Variants in NXPE2 observed in about 807,000 individuals in gnomAD.
NXPE2 encodes neurexophilin and PC-esterase domain family member 2, also known as NXPE family member 2.
NXPE2 carries 34 observed loss-of-function variants against 34.4 expected under a neutral mutation model. The observed-to-expected ratio is 0.99, with a 90% CI of 0.75 to 1.31. NXPE2 has a LOEUF of 1.31. Among genes scored for constraint, NXPE2 ranks in the 40% most tolerant of loss-of-function variants. The pLI is 0.00. For synonymous variants in NXPE2, 235 were observed against 231.3 expected (o/e 1.02, Z -0.15); for missense variants, 649 against 672.5 (o/e 0.97, Z 0.39).
chr11:114,718,975 G>A, the NXPE2 span, among the ~76,000 whole-genome samples: 106 of 152,256 alleles, frequency 7.0e-4, 1 homozygote, highest in Non-Finnish European at 1.0e-3. Flanking sequence ...ACTTAAGTCT[G>A]TACTCCTCCT....
At chr11:114,484,356 G>A in the NXPE2 span, among the ~76,000 whole-genome samples, 1 of 140,592 alleles carries the variant, frequency 7.1e-6, no homozygotes, top group Non-Finnish European at 1.6e-5. Context: ...TTTGGGATGT[G>A]GGGGGGTAGA....
the NXPE2 span, among the ~76,000 whole-genome samples, chr11:114,671,237 G>T: frequency 6.6e-6 from 1 of 151,446 alleles, no homozygotes; most frequent in East Asian, 1.9e-4. Flanking sequence ...TAGAGATTAT[G>T]CAGTCTAGAG....
At chr11:114,511,397 G>A in the NXPE2 span, among the ~76,000 whole-genome samples, 1 of 152,170 alleles carries the variant, frequency 6.6e-6, no homozygotes, top group African/African-American at 2.4e-5. Context: ...GAGGCCATAA[G>A]CATGAGAAAG....
At chr11:114,740,833 T>C in the NXPE2 span, among the ~76,000 whole-genome samples, 1 of 152,314 alleles carries the variant, frequency 6.6e-6, no homozygotes, top group Non-Finnish European at 1.5e-5. Flanking sequence ...ATTTGCTTGA[T>C]GTATTTAGCC....
chr11:114,625,279 C>A, the NXPE2 span, among the ~76,000 whole-genome samples: 1 of 152,200 alleles, frequency 6.6e-6, no homozygotes, highest in East Asian at 1.9e-4. Flanking sequence ...ATACGAGTTG[C>A]CTCATGCGTA....
chr11:114,794,991 T>A, the NXPE2 span, among the ~76,000 whole-genome samples: 1 of 152,086 alleles, frequency 6.6e-6, no homozygotes, highest in Non-Finnish European at 1.5e-5. Flanking sequence ...CCTGTCAGAG[T>A]AAACAACAAG....
chr11:114,797,405 C>T, the NXPE2 span, among the ~76,000 whole-genome samples: 8 of 152,160 alleles, frequency 5.3e-5, no homozygotes, highest in African/African-American at 1.9e-4. Context: ...TCCTTCTGGG[C>T]CCACAGCCCA....
At chr11:114,724,179 T>C in the NXPE2 span, among the ~76,000 whole-genome samples, 1 of 152,152 alleles carries the variant, frequency 6.6e-6, no homozygotes. Flanking sequence ...AGTAAATTTC[T>C]CAGGGTCACC....
intron 2 of NXPE2, among the ~76,000 whole-genome samples, chr11:114,687,966 G>C (rs1951079131): frequency 6.6e-6 from 1 of 152,028 alleles, no homozygotes; most frequent in Admixed American, 6.6e-5. Flanking sequence ...CTAAAGACCT[G>C]TTTATCAGGT....
chr11:114,633,150 A>C, the NXPE2 span, among the ~76,000 whole-genome samples: 2,148 of 123,978 alleles, frequency 0.017, 74 homozygotes, highest in African/African-American at 0.065. Context: ...TATTTTATAT[A>C]TTTGGTATTT....
the NXPE2 span, among the ~76,000 whole-genome samples, chr11:114,488,467 T>A: frequency 6.6e-6 from 1 of 152,162 alleles, no homozygotes; most frequent in Non-Finnish European, 1.5e-5. Flanking sequence ...AGTAAAGCAC[T>A]CCTCAGCAAA....
the NXPE2 span, among the ~76,000 whole-genome samples, chr11:114,637,740 T>C: frequency 6.6e-6 from 1 of 151,624 alleles, no homozygotes; most frequent in African/African-American, 2.4e-5. Context: ...TTTGGCTGGA[T>C]ATGAAATTCT....
At chr11:114,599,551 T>C in the NXPE2 span, among the ~76,000 whole-genome samples, 67 of 152,154 alleles carry the variant, frequency 4.4e-4, no homozygotes, top group Non-Finnish European at 8.8e-4. Flanking sequence ...GGGTAATTTA[T>C]AAAGAAAAGA....
At chr11:114,608,518 T>C in the NXPE2 span, among the ~76,000 whole-genome samples, 9 of 152,048 alleles carry the variant, frequency 5.9e-5, no homozygotes, top group African/African-American at 9.6e-5. Context: ...TGTTGCCTCG[T>C]GGGTAAGCAC....
chr11:114,472,003 C>A, the NXPE2 span, among the ~76,000 whole-genome samples: 806 of 152,214 alleles, frequency 5.3e-3, 8 homozygotes, highest in African/African-American at 0.018. Context: ...CCTTTAATCC[C>A]CTAGTATTTA....
upstream of NXPE2, among the ~76,000 whole-genome samples, chr11:114,673,799 C>G (rs1320216953): frequency 5.3e-5 from 8 of 151,688 alleles, no homozygotes; most frequent in Non-Finnish European, 1.0e-4. Context: ...AAACCAGGTT[C>G]CCACAAAGAT....
At chr11:114,801,446 CAGATCAT>C in the NXPE2 span, among the ~76,000 whole-genome samples, 1 of 152,152 alleles carries the variant, frequency 6.6e-6, no homozygotes. Context: ...GGACAGGGGA[CAGATCAT>C]AGAGTCTTGT....
chr11:114,554,724 T>C, the NXPE2 span, among the ~76,000 whole-genome samples: 1 of 152,260 alleles, frequency 6.6e-6, no homozygotes, highest in Non-Finnish European at 1.5e-5. Context: ...TTCAAGTCGC[T>C]AAGCCACAGG....
the NXPE2 span, among the ~76,000 whole-genome samples, chr11:114,790,011 T>G: frequency 6.6e-6 from 1 of 152,182 alleles, no homozygotes; most frequent in Non-Finnish European, 1.5e-5. Flanking sequence ...CAAGGACTTC[T>G]CTGAGTCAGA....
Sources: allele counts gnomAD v4.1 joint callset (sites outside exome capture counted in the v4.1 genomes callset), GRCh38; gene constraint gnomAD v4.1.1; transcripts MANE v1.5; gene names NCBI Gene and HGNC (gene_info 2026-07-23, HGNC 2026-07-21).